OBI1: variants seen among roughly 807,000 people sequenced by gnomAD.
The protein encoded by OBI1 is ring finger protein 219.
In OBI1, 59 loss-of-function variants were observed where a neutral mutation model predicts 62.4. The ratio of observed to expected loss-of-function variants is 0.95; its 90% CI spans 0.77 to 1.17. OBI1 has a LOEUF of 1.17. Ranked by LOEUF, OBI1 falls within the 50% of genes most tolerant of loss-of-function variation. The pLI, the probability that OBI1 is intolerant of heterozygous loss-of-function variation, is 0.00. For synonymous variants in OBI1, 302 were observed against 292.8 expected (o/e 1.03, Z -0.32); for missense variants, 875 against 830.9 (o/e 1.05, Z -0.65).
chr13:78,637,487 A>G (rs1436097235), intron 4 of OBI1, among the ~76,000 whole-genome samples: 1 of 152,202 alleles, frequency 6.6e-6, no homozygotes, highest in African/African-American at 2.4e-5. Flanking sequence ...TATCACCCTT[A>G]TAAGCCTCAT....
intron 2 of OBI1, among the ~76,000 whole-genome samples, chr13:78,643,860 G>GA (rs1876298054): frequency 6.6e-6 from 1 of 151,914 alleles, no homozygotes; most frequent in African/African-American, 2.4e-5. Context: ...TAAGTTTTCT[G>GA]AAAAATGTTT....
chr13:78,630,898 G>A lies in OBI1; in HGVS notation c.638+4212C>T, dbSNP rs75310497. On this transcript the variant is annotated intron_variant, in intron 5 of 5. Coordinates refer to ENST00000282003, the MANE Select transcript of OBI1 (RefSeq NM_024546.4). ...TCATGATACCTAAACAAAATTAAGAGTGATTCCTTGCTATTATTTCATTTA... is the reference window on the plus strand; with the variant it reads ...TCATGATACCTAAACAAAATTAAGAATGATTCCTTGCTATTATTTCATTTA... Among the ~76,000 whole-genome samples, 971 of 152,280 alleles carry A rather than the reference G, an allele frequency of 6.4e-3. 18 individuals carry two copies. Among genetic ancestry groups the A allele is most frequent in the African/African-American group, 0.022 (916 of 41,570 alleles).
At chr13:78,645,892 T>A (rs1475717615) in intron 1 of OBI1, among the ~76,000 whole-genome samples, 1 of 152,188 alleles carries the variant, frequency 6.6e-6, no homozygotes, top group African/African-American at 2.4e-5. Context: ...TCAGGTGATC[T>A]GCCCACCTCG....
chr13:78,633,107 A>C (rs928393383), intron 5 of OBI1, among the ~76,000 whole-genome samples: 1 of 152,198 alleles, frequency 6.6e-6, no homozygotes, highest in African/African-American at 2.4e-5. Context: ...CTTTCGTTCC[A>C]TTCAGCATGC....
intron 4 of OBI1, among the ~76,000 whole-genome samples, chr13:78,635,737 GATCTATCT>G (rs753801059): frequency 6.6e-6 from 1 of 151,878 alleles, no homozygotes; most frequent in Admixed American, 6.6e-5. Flanking sequence ...CTCAAAATTG[GATCTATCT>G]ATCTATCTAT....
intron 5 of OBI1, among the ~76,000 whole-genome samples, chr13:78,627,200 TAAG>T (rs1194567031): frequency 1.3e-5 from 2 of 151,586 alleles, no homozygotes; most frequent in African/African-American, 4.8e-5. Flanking sequence ...CTAAAGTCAT[TAAG>T]AAGGACAGGA....
chr13:78,645,039 T>C, intron 1 of OBI1, 42 bp from the exon 2 acceptor site: 2 of 1,558,026 alleles, frequency 1.3e-6, no homozygotes, highest in Non-Finnish European at 1.7e-6. Context: ...ACAACGGTCA[T>C]AATTAGAAGA....
At chr13:78,646,756 G>T (rs1474944975) in intron 1 of OBI1, among the ~76,000 whole-genome samples, 1 of 151,898 alleles carries the variant, frequency 6.6e-6, no homozygotes, top group African/African-American at 2.4e-5. Flanking sequence ...ATTTAAAAGG[G>T]GCCCCCACCT....
chr13:78,645,659 A>T (rs1593798969), intron 1 of OBI1, among the ~76,000 whole-genome samples: 1 of 151,394 alleles, frequency 6.6e-6, no homozygotes, highest in African/African-American at 2.4e-5. Flanking sequence ...CATTTATAGC[A>T]TTTTTTTTTG....
intron 5 of OBI1, among the ~76,000 whole-genome samples, chr13:78,623,527 A>T (rs191962386): frequency 4.3e-4 from 66 of 152,362 alleles, no homozygotes; most frequent in African/African-American, 1.5e-3. Flanking sequence ...AGAAATGAGA[A>T]GCTTAAAAGG....
Position 78,635,172 on chromosome 13 carries a change from A to T in OBI1, c.576T>A (p.Asn192Lys). 1 of 1,608,686 alleles carries T rather than the reference A, an allele frequency of 6.2e-7. No individual in the cohort carries two copies. ...KEANKKLKLE[N>K]GGLVRENLRL... is the part of the protein sequence containing the mutation. ...GTAAATTCTCCCTCACCAGACCACC[A>T]TTTTCCAATTTCAATTTTTTATTTG... The change falls in exon 5 of 6, where the codon AAT (asparagine) becomes AAA (lysine). Residue 192 changes from asparagine to lysine, a missense_variant. Asn to Lys is a moderately conservative substitution (Grantham distance 94). Coordinates refer to ENST00000282003, the MANE Select transcript of OBI1 (RefSeq NM_024546.4).
Position 78,642,940 on chromosome 13 carries a change from T to C in OBI1, c.209-727A>G, listed in dbSNP as rs115862290. ...ACCTATGTATATAGATTAATGTGTC[T>C]TTTCACGGATTCTAACAGGCTAGTT... On this transcript the variant is annotated intron_variant, in intron 2 of 5. Transcript: ENST00000282003. Among the ~76,000 whole-genome samples, 489 of 152,326 alleles carry C rather than the reference T, an allele frequency of 3.2e-3. 2 individuals carry two copies. Among genetic ancestry groups the C allele is most frequent in the African/African-American group, 0.011 (470 of 41,572 alleles).
chr13:78,632,090 CG>C (rs1875869027), intron 5 of OBI1, among the ~76,000 whole-genome samples: 2 of 152,100 alleles, frequency 1.3e-5, no homozygotes, highest in South Asian at 2.1e-4. Flanking sequence ...CCTCCAAATT[CG>C]TATGTTGAAG....
At chr13:78,650,290 T>G (rs1876509318) in intron 1 of OBI1, among the ~76,000 whole-genome samples, 4 of 151,900 alleles carry the variant, frequency 2.6e-5, no homozygotes, top group African/African-American at 9.7e-5. Flanking sequence ...AGTGATAGGG[T>G]CAACAAAAAT....
At chr13:78,622,334 CA>C (rs1566276336) in intron 5 of OBI1, among the ~76,000 whole-genome samples, 1 of 152,040 alleles carries the variant, frequency 6.6e-6, no homozygotes, top group South Asian at 2.1e-4. Flanking sequence ...CCCAACTACT[CA>C]GGAGGCTGAA....
chr13:78,629,130 G>A (rs933805486), intron 5 of OBI1, among the ~76,000 whole-genome samples: 1 of 152,060 alleles, frequency 6.6e-6, no homozygotes, highest in African/African-American at 2.4e-5. Flanking sequence ...TTACTGCCCA[G>A]AGTATCTAGA....
At chr13:78,634,855 C>T (rs1281821105) in intron 5 of OBI1, among the ~76,000 whole-genome samples, 2 of 152,146 alleles carry the variant, frequency 1.3e-5, no homozygotes, top group African/African-American at 4.8e-5. Flanking sequence ...CAAGTCAATG[C>T]TCACTTGTGT....
chr13:78,641,003 GA>G (rs1876199204), intron 3 of OBI1, among the ~76,000 whole-genome samples: 1 of 151,950 alleles, frequency 6.6e-6, no homozygotes, highest in South Asian at 2.1e-4. Flanking sequence ...TCCCACTCTG[GA>G]AATGTTTATT....
At chr13:78,639,898 C>T (rs893019496) in intron 3 of OBI1, among the ~76,000 whole-genome samples, 4 of 146,684 alleles carry the variant, frequency 2.7e-5, no homozygotes, top group Non-Finnish European at 6.0e-5. Context: ...TGCTAGATGA[C>T]GAGTTAGTGG....
Sources: allele counts gnomAD v4.1 joint callset (sites outside exome capture counted in the v4.1 genomes callset), GRCh38; gene constraint gnomAD v4.1.1; transcripts MANE v1.5; gene names NCBI Gene and HGNC (gene_info 2026-07-23, HGNC 2026-07-21).